CDH18: variants seen among roughly 807,000 people sequenced by gnomAD.
The protein encoded by CDH18 is cadherin 18.
In CDH18, 31 loss-of-function variants were observed where a neutral mutation model predicts 67.9. The observed-to-expected ratio is 0.46, with a 90% CI of 0.34 to 0.62. CDH18 has a LOEUF of 0.62. CDH18 is among the 20% of genes least tolerant of loss of function. The pLI, the probability that CDH18 is intolerant of heterozygous loss-of-function variation, is 0.01. For missense variants in CDH18, 890 were observed against 975.5 expected (o/e 0.91, Z 1.17); for synonymous variants, 362 against 347.2 (o/e 1.04, Z -0.48).
intron 2 of CDH18, among the ~76,000 whole-genome samples, chr5:20,248,074 C>T (rs1375150168): frequency 6.6e-6 from 1 of 152,032 alleles, no homozygotes; most frequent in East Asian, 1.9e-4. Context: ...ACTAGTTTTC[C>T]ATTAATTTAT....
At chr5:19,742,696 T>C (rs1056378418) in intron 4 of CDH18, among the ~76,000 whole-genome samples, 1 of 152,044 alleles carries the variant, frequency 6.6e-6, no homozygotes, top group Non-Finnish European at 1.5e-5. Context: ...ATTTTATTAC[T>C]AGCCACTATC....
At chr5:20,542,427 A>C (rs1200216286) in intron 1 of CDH18, among the ~76,000 whole-genome samples, 1 of 151,650 alleles carries the variant, frequency 6.6e-6, no homozygotes, top group Non-Finnish European at 1.5e-5. Context: ...TATAGTATAT[A>C]AATACATAGC....
chr5:19,826,152 C>G (rs1369281060), intron 3 of CDH18, among the ~76,000 whole-genome samples: 2 of 151,940 alleles, frequency 1.3e-5, no homozygotes, highest in Non-Finnish European at 2.9e-5. Context: ...GACTGGTTCT[C>G]TGAAGTAACA....
intron 5 of CDH18, among the ~76,000 whole-genome samples, chr5:19,664,062 A>G (rs1168414041): frequency 6.6e-6 from 1 of 151,946 alleles, no homozygotes; most frequent in Non-Finnish European, 1.5e-5. Flanking sequence ...ATCCCTGTGA[A>G]CTAAATTGGA....
At position 19,532,487 on chromosome 5, in the gene CDH18, A is replaced by G. The variant is rs374316694; in HGVS notation, c.1390+11382T>C. Among the ~76,000 whole-genome samples the G allele has an allele frequency of 9.2e-5, 14 of 152,276 alleles. 1 individual carries two copies. In the East Asian group the frequency reaches 1.5e-3, roughly 17 times the overall value. Reference sequence around the variant, plus strand: ...CTTTAACTTTCGACAAGATATTTGTATATGTGTGAGTGCCTGGGTTTGTAT... The same window carrying G: ...CTTTAACTTTCGACAAGATATTTGTGTATGTGTGAGTGCCTGGGTTTGTAT... On this transcript the variant is annotated intron_variant, in intron 9 of 12. Coordinates refer to ENST00000382275, the MANE Select transcript of CDH18 (RefSeq NM_004934.5).
chr5:19,719,721 A>G (rs560424695), intron 5 of CDH18, among the ~76,000 whole-genome samples: 1 of 151,914 alleles, frequency 6.6e-6, no homozygotes, highest in African/African-American at 2.4e-5. Context: ...TCTATTTTTC[A>G]CTTTAACTAC....
intron 5 of CDH18, among the ~76,000 whole-genome samples, chr5:19,689,321 C>A (rs576799678): frequency 6.6e-6 from 1 of 151,912 alleles, no homozygotes; most frequent in Non-Finnish European, 1.5e-5. Flanking sequence ...CAGATTGGCA[C>A]TGGATTTCTC....
intron 2 of CDH18, among the ~76,000 whole-genome samples, chr5:20,098,647 T>C (rs568713739): frequency 2.0e-5 from 3 of 152,252 alleles, no homozygotes; most frequent in South Asian, 4.1e-4. Flanking sequence ...AATTTTTTCC[T>C]TGACTATTTT....
At chr5:20,280,488 G>A (rs1382201561) in intron 1 of CDH18, among the ~76,000 whole-genome samples, 1 of 152,160 alleles carries the variant, frequency 6.6e-6, no homozygotes, top group Non-Finnish European at 1.5e-5. Flanking sequence ...ATAGTTTGCT[G>A]AGAATGATGG....
rs1422991306 is a variant in CDH18, at chr5:19,502,959, CATAG to C, written c.1630+29_1630+32del. The C allele has an allele frequency of 5.0e-6, 6 of 1,203,752 alleles. No homozygotes were observed. In the Admixed American group the frequency reaches 5.1e-5, roughly 10 times the overall value. 74.6% of individuals were successfully genotyped at this position (1,203,752 alleles called of 1,614,324 possible). A position where few individuals can be genotyped will look rare whatever the true frequency, so the allele number is the denominator to read the frequency against. ...ACATATAAGGTCAAAGCAGATACCA[CATAG>C]ATAAACAAATATGTGTATATATGTT... is the stretch of plus-strand genomic sequence containing the variant. On this transcript the variant is annotated intron_variant, in intron 11 of 12. Coordinates refer to ENST00000382275, the MANE Select transcript of CDH18 (RefSeq NM_004934.5).
intron 4 of CDH18, among the ~76,000 whole-genome samples, chr5:19,727,708 G>A (rs1391981520): frequency 8.5e-6 from 1 of 118,294 alleles, no homozygotes; most frequent in African/African-American, 2.5e-5. Context: ...GCAAAACTAT[G>A]AAGTTAAAAG....
chr5:19,783,934 T>C (rs1775408791), intron 3 of CDH18, among the ~76,000 whole-genome samples: 1 of 152,170 alleles, frequency 6.6e-6, no homozygotes, highest in Admixed American at 6.6e-5. Context: ...GCCTACTCTG[T>C]ACCTGATACA....
At position 19,571,786 on chromosome 5, in the gene CDH18, C is replaced by A. The variant is rs575682286; in HGVS notation, c.1046G>T (p.Gly349Val). ...GCGAAAATCAAGATGTGTATTTGCT[C>A]CTTCTATGTTGAGGGTATATGACTT... Reference protein sequence around the residue: ...KKKSYTLNIEGANTHLDFRFS... With the variant: ...KKKSYTLNIEVANTHLDFRFS... Residue 349 changes from glycine (G) to valine (V), a missense_variant, in exon 8 of 13, where the codon GGA becomes GTA. Transcript: ENST00000382275. The A allele has an allele frequency of 6.2e-7, 1 of 1,613,450 alleles. No individual in the cohort carries two copies. The highest frequency in any genetic ancestry group is 1.7e-5 in the Admixed American group (1 of 59,994).
intron 10 of CDH18, among the ~76,000 whole-genome samples, chr5:19,504,416 T>C (rs80104062): frequency 6.7e-6 from 1 of 148,906 alleles, no homozygotes; most frequent in Non-Finnish European, 1.5e-5. Flanking sequence ...GCTGAAAATC[T>C]TTTTTTTTTA....
intron 1 of CDH18, among the ~76,000 whole-genome samples, chr5:20,494,905 G>C (rs1753818807): frequency 6.6e-6 from 1 of 152,124 alleles, no homozygotes; most frequent in Non-Finnish European, 1.5e-5. Flanking sequence ...CTGGGTCTTG[G>C]CCAAAGGAGC....
intron 2 of CDH18, among the ~76,000 whole-genome samples, chr5:20,194,117 G>C (rs532660037): frequency 2.0e-5 from 3 of 151,984 alleles, no homozygotes; most frequent in Non-Finnish European, 4.4e-5. Flanking sequence ...TTCTGGCCAG[G>C]ATAATCAGTT....
At chr5:19,803,676 A>T (rs1297811184) in intron 3 of CDH18, 1 of 152,224 alleles carries the variant, frequency 6.6e-6, no homozygotes, top group Admixed American at 6.5e-5. Flanking sequence ...ACGCAAAGCA[A>T]GAATGTTTAC....
intron 3 of CDH18, among the ~76,000 whole-genome samples, chr5:19,773,894 T>G (rs1773994682): frequency 6.6e-6 from 1 of 151,994 alleles, no homozygotes; most frequent in Non-Finnish European, 1.5e-5. Context: ...AAGAACACAT[T>G]TAAAAACTTG....
At chr5:20,002,363 G>A (rs1310061923) in intron 2 of CDH18, among the ~76,000 whole-genome samples, 1 of 152,174 alleles carries the variant, frequency 6.6e-6, no homozygotes, top group Non-Finnish European at 1.5e-5. Flanking sequence ...ACTAACTTCA[G>A]TCAAATTTTA....
Sources: allele counts gnomAD v4.1 joint callset (sites outside exome capture counted in the v4.1 genomes callset), GRCh38; gene constraint gnomAD v4.1.1; transcripts MANE v1.5; gene names NCBI Gene and HGNC (gene_info 2026-07-23, HGNC 2026-07-21).